The following TNFSF14 variants were observed in gnomAD, a reference collection of about 807,000 sequenced individuals.
TNFSF14 encodes the protein tumor necrosis factor ligand superfamily member 14.
Under a neutral mutation model 22.7 loss-of-function variants are expected in TNFSF14, and 15 were observed. That is an observed-to-expected ratio of 0.66 (90% CI 0.44 to 1.02). The LOEUF is 1.02. Among genes scored for constraint, TNFSF14 ranks in the 50% least tolerant of loss-of-function variants. The probability of loss-of-function intolerance (pLI) is 0.00; values close to 1 mark genes in which losing one functional copy is unlikely to be tolerated. For synonymous variants in TNFSF14, 133 were observed against 139.6 expected (o/e 0.95, Z 0.33); for missense variants, 287 against 326.2 (o/e 0.88, Z 0.93).
chr19:6,665,563 C>T (rs1323133536), intron 3 of TNFSF14, among the ~76,000 whole-genome samples: 7 of 152,112 alleles, frequency 4.6e-5, no homozygotes, highest in East Asian at 3.9e-4. Context: ...TGCCCGCCAC[C>T]GCACCCAGTT....
At chr19:6,667,226 G>A (rs1311477311) in intron 2 of TNFSF14, 72 bp from the exon 3 acceptor site, 14 of 1,472,184 alleles carry the variant, frequency 9.5e-6, no homozygotes, top group African/African-American at 1.5e-5. Context: ...AAGGGCCACC[G>A]TGTACACCTC....
At chr19:6,665,656 G>C (rs763643352) in intron 3 of TNFSF14, among the ~76,000 whole-genome samples, 1 of 152,038 alleles carries the variant, frequency 6.6e-6, no homozygotes. Flanking sequence ...TGATCCACCC[G>C]CCTCGGCCTC....
Position 6,663,979 on chromosome 19 carries a change from A to G in TNFSF14, c.*947T>C, listed in dbSNP as rs2145370172. The G allele has an allele frequency of 6.6e-6, 1 of 152,326 alleles. No individual in the cohort carries two copies. Among genetic ancestry groups the G allele is most frequent in the Middle Eastern group, 3.4e-3 (1 of 296 alleles). The allele number at this position is 152,326 out of a possible 1,614,324, so 9.4% of individuals were successfully genotyped here. A position where few individuals can be genotyped will look rare whatever the true frequency, so the allele number is the denominator to read the frequency against. On this transcript the variant is annotated 3_prime_UTR_variant, in exon 4 of 4. Transcript: ENST00000675206. ...TGGTGGTAGCATTTACACCATGGAA[A>G]TTGGCAAACATTACAAAGCTGTCCC...
Position 6,663,148 on chromosome 19 carries a change from C to G in TNFSF14, c.*1778G>C, listed in dbSNP as rs957451995. The G allele has an allele frequency of 6.6e-6, 1 of 152,242 alleles. No homozygotes were observed. The allele number at this position is 152,242 out of a possible 1,614,324, so 9.4% of individuals were successfully genotyped here. A position where few individuals can be genotyped will look rare whatever the true frequency, so the allele number is the denominator to read the frequency against. ...AAGAACTAGACAGATCCAGGTACAA[C>G]TATTTGCCATTTATTTCAAAGATCA... On this transcript the variant is annotated 3_prime_UTR_variant, in exon 4 of 4. Transcript: ENST00000675206.
chr19:6,669,753 C>G, intron 1 of TNFSF14, 98 bp downstream of exon 1: 1 of 1,513,880 alleles, frequency 6.6e-7, no homozygotes, highest in Non-Finnish European at 8.9e-7. Flanking sequence ...CACACACACA[C>G]ACACACACAC....
chr19:6,669,838 C>T lies in TNFSF14; in HGVS notation c.219+13G>A, dbSNP rs751629573. On this transcript the variant is annotated intron_variant, in intron 1 of 3. Transcript: ENST00000675206. ...TCACCTCCACCTGCTCTCAGCCCCCCGGTCCCACTCACAGGCAGGCGGGTG... is the reference window on the plus strand; with the variant it reads ...TCACCTCCACCTGCTCTCAGCCCCCTGGTCCCACTCACAGGCAGGCGGGTG... The T allele has an allele frequency of 1.4e-5, 22 of 1,610,066 alleles. No homozygotes were observed. The highest frequency in any genetic ancestry group is 7.7e-5 in the South Asian group (7 of 91,018).
At chr19:6,670,437 G>A (rs1256777629), upstream of TNFSF14, 3 of 317,626 alleles carry the variant, frequency 9.4e-6, no homozygotes, top group Non-Finnish European at 1.6e-5. Flanking sequence ...CTCTGCTCTC[G>A]GTGTGGGGGA....
Position 6,662,622 on chromosome 19 carries a change from A to G in TNFSF14, c.*2304T>C, listed in dbSNP as rs1298277350. On this transcript the variant is annotated 3_prime_UTR_variant, in exon 4 of 4. Transcript: ENST00000675206. ...ACAACAACAACAAAACAATAATAAC[A>G]ATACATTCACCTCTGGGGTCGAAAC... is the stretch of plus-strand genomic sequence containing the variant. The G allele has an allele frequency of 6.6e-6, 1 of 152,194 alleles. No individual in the cohort carries two copies. The highest frequency in any genetic ancestry group is 1.5e-5 in the Non-Finnish European group (1 of 68,042). 9.4% of individuals were successfully genotyped at this position (152,194 alleles called of 1,614,324 possible).
In TNFSF14 at chr19:6,665,160, G is replaced by A; in HGVS notation, c.489C>T (p.Thr163=). Residue 163 remains threonine (T), a synonymous_variant, in exon 4 of 4, where the codon ACC becomes ACT. Coordinates refer to ENST00000675206, the MANE Select transcript of TNFSF14 (RefSeq NM_001376887.1). The part of the protein sequence containing the change: ...GCPLGLASTI[T]HGLYKRTPRY... ...GGGGTGTGCGCTTGTAGAGGCCGTGGGTGATGGTGCTGGCCAGGCCCAGCG... is the reference window on the plus strand; with the variant it reads ...GGGGTGTGCGCTTGTAGAGGCCGTGAGTGATGGTGCTGGCCAGGCCCAGCG... The A allele has an allele frequency of 6.2e-7, 1 of 1,614,092 alleles. No homozygotes were observed. The highest frequency in any genetic ancestry group is 8.5e-7 in the Non-Finnish European group (1 of 1,179,998).
chr19:6,667,206 C>G (rs934634085), intron 2 of TNFSF14, 52 bp from the exon 3 acceptor site: 4 of 1,512,158 alleles, frequency 2.6e-6, no homozygotes, highest in Non-Finnish European at 3.5e-6. Flanking sequence ...GGTAAAAAGC[C>G]AGCCTCCTAA....
intron 1 of TNFSF14, among the ~76,000 whole-genome samples, chr19:6,668,151 C>A (rs1420112938): frequency 6.6e-6 from 1 of 151,764 alleles, no homozygotes; most frequent in Admixed American, 6.6e-5. Flanking sequence ...AGCTTGAGGC[C>A]AGGAGTTTAA....
Position 6,663,402 on chromosome 19 carries a change from G to C in TNFSF14, c.*1524C>G, listed in dbSNP as rs777043171. On this transcript the variant is annotated 3_prime_UTR_variant, in exon 4 of 4. Coordinates refer to ENST00000675206, the MANE Select transcript of TNFSF14 (RefSeq NM_001376887.1). ...TGTTTGTCATCGTGATGTTGTGTGT[G>C]TAATGTGTGTTTGTCATCGTGATGT... 4.6e-5 allele frequency: 7 copies of C among 151,950 alleles called. No individual in the cohort carries two copies. The highest frequency in any genetic ancestry group is 1.9e-4 in the East Asian group (1 of 5,192). The allele number at this position is 151,950 out of a possible 1,614,324, so 9.4% of individuals were successfully genotyped here. A position where few individuals can be genotyped will look rare whatever the true frequency, so the allele number is the denominator to read the frequency against.
In TNFSF14 at chr19:6,665,292, GC is replaced by G; in HGVS notation, c.356del (p.Gly119AlafsTer5). The G allele has an allele frequency of 6.2e-7, 1 of 1,612,102 alleles. No individual in the cohort carries two copies. Among genetic ancestry groups the G allele is most frequent in the Non-Finnish European group, 8.5e-7 (1 of 1,179,410 alleles). ...GGPLLWETQL[G>X]LAFLRGLSYH... Reference sequence around the variant, plus strand: ...AGCTGAGGCCCCTCAGGAAGGCCAGGCCCAGCTGAGTCTCCCATAACAGCGG... The same window carrying G: ...AGCTGAGGCCCCTCAGGAAGGCCAGGCCAGCTGAGTCTCCCATAACAGCGG... On this transcript the variant is annotated frameshift_variant, in exon 4 of 4. Transcript: ENST00000675206. LOFTEE classifies it high-confidence loss of function.
rs344564 is a variant in TNFSF14, at chr19:6,661,477, C to G, written c.*3449G>C. 0.95 allele frequency: 144,560 copies of G among 152,310 alleles called. 68,678 individuals are homozygous for G. The highest frequency in any genetic ancestry group is 0.98 in the African/African-American group (40,950 of 41,586). The allele number at this position is 152,310 out of a possible 1,614,324, so 9.4% of individuals were successfully genotyped here. On this transcript the variant is annotated 3_prime_UTR_variant, in exon 4 of 4. Coordinates refer to ENST00000675206, the MANE Select transcript of TNFSF14 (RefSeq NM_001376887.1). ...AGTTCCAGGTGCAGGGGCTTTAAAT[C>G]TATCACAAGGTGATAGACGCGGGGG... is the stretch of plus-strand genomic sequence containing the variant.
intron 3 of TNFSF14, 101 bp from the exon 4 acceptor site, chr19:6,665,451 C>G (rs760183988): frequency 4.3e-5 from 56 of 1,303,926 alleles, no homozygotes; most frequent in Non-Finnish European, 5.2e-5. Context: ...CTCTGTGGAC[C>G]AGGCTGGAGT....
At position 6,669,139 on chromosome 19, in the gene TNFSF14, A is replaced by G. The variant is rs151001547; in HGVS notation, c.219+712T>C. ...GCTGGAAGCAGACCGAGAAATTTCC[A>G]CAGATGGAAATGGTCAGAGAATTAA... On this transcript the variant is annotated intron_variant, in intron 1 of 3. Coordinates refer to ENST00000675206, the MANE Select transcript of TNFSF14 (RefSeq NM_001376887.1). Among the ~76,000 whole-genome samples the G allele has an allele frequency of 4.2e-4, 64 of 152,314 alleles. No homozygotes were observed. The East Asian group carries it at 8.3e-3, about 20-fold the overall frequency.
chr19:6,669,407 C>T (rs1290273603), intron 1 of TNFSF14, among the ~76,000 whole-genome samples: 3 of 152,114 alleles, frequency 2.0e-5, no homozygotes, highest in African/African-American at 7.2e-5. Flanking sequence ...CACTTGAACC[C>T]GGGAGGCAGA....
Position 6,664,725 on chromosome 19 carries a change from A to G in TNFSF14, c.*201T>C, listed in dbSNP as rs1917351670. The stretch of plus-strand genomic sequence containing the variant: ...CGGCTAATTTTTGTATTTTTAGTAG[A>G]GATGGGGTTTTGCCATGTTAGCCAG... On this transcript the variant is annotated 3_prime_UTR_variant, in exon 4 of 4. Coordinates refer to ENST00000675206, the MANE Select transcript of TNFSF14 (RefSeq NM_001376887.1). The surrounding 1 kb of genome is among the most constrained non-coding windows in gnomAD (Gnocchi z 4.7). 2 of 553,260 alleles carry G rather than the reference A, an allele frequency of 3.6e-6. No individual in the cohort carries two copies. The highest frequency in any genetic ancestry group is 2.9e-5 in the South Asian group (1 of 34,736). The allele number at this position is 553,260 out of a possible 1,614,324, so 34.3% of individuals were successfully genotyped here.
Position 6,664,730 on chromosome 19 carries a change from G to T in TNFSF14, c.*196C>A. ...AATTTTTGTATTTTTAGTAGAGATG[G>T]GGTTTTGCCATGTTAGCCAGGCTGG... On this transcript the variant is annotated 3_prime_UTR_variant, in exon 4 of 4. Transcript: ENST00000675206. The surrounding 1 kb of genome is among the most constrained non-coding windows in gnomAD (Gnocchi z 4.7). 3.5e-6 allele frequency: 2 copies of T among 574,900 alleles called. No individual in the cohort carries two copies. Among genetic ancestry groups the T allele is most frequent in the Non-Finnish European group, 6.0e-6 (2 of 334,824 alleles). 35.6% of individuals were successfully genotyped at this position (574,900 alleles called of 1,614,324 possible). A position where few individuals can be genotyped will look rare whatever the true frequency, so the allele number is the denominator to read the frequency against.
Sources: gnomAD v4.1 joint callset for allele counts (sites outside exome capture counted in the v4.1 genomes callset) on GRCh38, gnomAD v4.1.1 for gene constraint, Gnocchi (gnomAD v3.1) non-coding constraint, MANE v1.5 for transcripts, NCBI Gene and HGNC (gene_info 2026-07-23, HGNC 2026-07-21) for gene names.